Variants in DNAH5 observed in about 807,000 individuals in gnomAD.
The protein encoded by DNAH5 is axonemal beta dynein heavy chain 5.
In DNAH5, 372 loss-of-function variants were observed where a neutral mutation model predicts 518.2. The ratio of observed to expected loss-of-function variants is 0.72; its 90% CI spans 0.66 to 0.78. The LOEUF is 0.78. DNAH5 is among the 30% of genes least tolerant of loss of function. DNAH5 has a pLI of 0.00. For missense variants in DNAH5, 5,523 were observed against 5,687.0 expected (o/e 0.97, Z 0.93); for synonymous variants, 2,039 against 2,025.9 (o/e 1.01, Z -0.17).
In DNAH5 at chr5:13,728,511, T is replaced by C. The variant is rs892353775; in HGVS notation, c.11884-855A>G. 7.2e-5 allele frequency among the ~76,000 whole-genome samples: 11 copies of C among 152,292 alleles called. 1 individual carries two copies. In the East Asian group the frequency reaches 9.6e-4, roughly 13 times the overall value. On this transcript the variant is annotated intron_variant, in intron 69 of 78. Transcript: ENST00000265104. ...ATATTGAGGGGTTTCGTGCATAAGATATCATCTCCAGAAGGTAGCAACTTC... is the reference window on the plus strand; with the variant it reads ...ATATTGAGGGGTTTCGTGCATAAGACATCATCTCCAGAAGGTAGCAACTTC...
At chr5:13,694,546 G>A (rs1307046598) in intron 78 of DNAH5, among the ~76,000 whole-genome samples, 1 of 152,168 alleles carries the variant, frequency 6.6e-6, no homozygotes, top group Non-Finnish European at 1.5e-5. Flanking sequence ...AAGAGGTTGT[G>A]CAAATTGGCA....
At chr5:13,856,623 T>A (rs1767674055) in intron 30 of DNAH5, among the ~76,000 whole-genome samples, 2 of 152,140 alleles carry the variant, frequency 1.3e-5, no homozygotes, top group African/African-American at 4.8e-5. Flanking sequence ...TTCAATAAAA[T>A]ACAAGCAAAC....
intron 1 of DNAH5, among the ~76,000 whole-genome samples, chr5:13,975,052 C>T (rs1281746987): frequency 6.6e-6 from 1 of 152,128 alleles, no homozygotes; most frequent in South Asian, 2.1e-4. Flanking sequence ...ACTGTAGGGG[C>T]GTTGATGAAC....
In DNAH5 at chr5:13,729,335, G is replaced by A. The variant is rs1030208269; in HGVS notation, c.11883+104C>T. ...GCACATGTAATACCATTTTAAGAGT[G>A]ACAATATTAAGAACTATCTCTCTTC... On this transcript the variant is annotated intron_variant, in intron 69 of 78. Coordinates refer to ENST00000265104, the MANE Select transcript of DNAH5 (RefSeq NM_001369.3). 4 of 1,476,658 alleles carry A rather than the reference G, an allele frequency of 2.7e-6. 1 individual carries two copies. The highest frequency in any genetic ancestry group is 1.1e-5 in the South Asian group (1 of 87,120). 91.5% of individuals were successfully genotyped at this position (1,476,658 alleles called of 1,614,324 possible). A position where few individuals can be genotyped will look rare whatever the true frequency, so the allele number is the denominator to read the frequency against.
rs374113855 is a variant in DNAH5, at chr5:13,780,909, C to A, written c.8871G>T (p.Val2957=). 226 of 1,613,686 alleles carry A rather than the reference C, an allele frequency of 1.4e-4. No individual in the cohort carries two copies. Among genetic ancestry groups the A allele is most frequent in the Non-Finnish European group, 1.8e-4 (212 of 1,179,798 alleles). ...TCAGGCTCTGCTTTCCTGATCCGCCCACCCCGACCAGGAGGGCATTTCCCT... is the reference window on the plus strand; with the variant it reads ...TCAGGCTCTGCTTTCCTGATCCGCCAACCCCGACCAGGAGGGCATTTCCCT... ...TPQGNALLVG[V]GGSGKQSLTR... is the part of the protein sequence containing the mutation. Residue 2957 remains valine, a synonymous_variant, in exon 53 of 79, where the codon GTG becomes GTT. Transcript: ENST00000265104.
At chr5:13,967,631 T>TTA (rs765974990) in intron 1 of DNAH5, among the ~76,000 whole-genome samples, 4 of 151,876 alleles carry the variant, frequency 2.6e-5, no homozygotes, top group Non-Finnish European at 4.4e-5. Flanking sequence ...ATTTGTTTTT[T>TTA]TGTTTGTTTG....
chr5:13,870,829 C>A lies in DNAH5; in HGVS notation c.3772G>T (p.Ala1258Ser). 6.2e-7 allele frequency: 1 copy of A among 1,613,816 alleles called. No homozygotes were observed. The highest frequency in any genetic ancestry group is 8.5e-7 in the Non-Finnish European group (1 of 1,179,844). The change falls in exon 24 of 79, where the codon GCA becomes TCA. Residue 1258 changes from alanine (A) to serine (S), a missense_variant. Transcript: ENST00000265104. ...TCCTCCCTTATTTCTTTCAGCGCTGCCATTGCAATCCGAATATCATCTAGG... is the reference window on the plus strand; with the variant it reads ...TCCTCCCTTATTTCTTTCAGCGCTGACATTGCAATCCGAATATCATCTAGG... The part of the protein sequence containing the change: ...KDLDDIRIAM[A>S]ALKEIREEQI...
At chr5:13,963,952 A>T in intron 1 of DNAH5, among the ~76,000 whole-genome samples, 1 of 151,988 alleles carries the variant, frequency 6.6e-6, no homozygotes, top group Non-Finnish European at 1.5e-5. Context: ...ACAGGCATCC[A>T]CCCCTGCACA....
intron 66 of DNAH5, among the ~76,000 whole-genome samples, chr5:13,736,911 A>G (rs1747555092): frequency 2.0e-5 from 3 of 152,204 alleles, no homozygotes; most frequent in Admixed American, 2.0e-4. Flanking sequence ...TAGTGTTACC[A>G]AACGATAAAT....
Position 13,844,847 on chromosome 5 carries a change from A to G in DNAH5, c.5261T>C (p.Phe1754Ser). 6.2e-7 allele frequency: 1 copy of G among 1,614,210 alleles called. No individual in the cohort carries two copies. Among genetic ancestry groups the G allele is most frequent in the Non-Finnish European group, 8.5e-7 (1 of 1,180,026 alleles). ...TAGAATTAGGCGAACCTTTTCGTGG[A>G]ACTTGACAGATTTAATGTTGTCAAA... ...NVFDNIKSVK[F>S]HEKIYDRILS... is the part of the protein sequence containing the mutation. Residue 1754 changes from phenylalanine to serine, a missense_variant, in exon 32 of 79, where the codon TTC becomes TCC. By Grantham distance (155) the Phe-to-Ser change is radical (BLOSUM62 -2). Around this residue, in one of 3 missense-constraint regions of DNAH5, gnomAD observed 5,121 missense variants for 5,223.3 expected, o/e 0.98. Transcript: ENST00000265104.
rs760165157 is a variant in DNAH5, at chr5:13,769,594, C to G, written c.9627G>C (p.Lys3209Asn). The G allele has an allele frequency of 3.7e-6, 6 of 1,613,986 alleles. No individual in the cohort carries two copies. Among genetic ancestry groups the G allele is most frequent in the Admixed American group, 3.3e-5 (2 of 60,004 alleles). The change falls in exon 57 of 79, where the codon AAG becomes AAC. Residue 3209 changes from lysine to asparagine, a missense_variant. This residue lies in a region of DNAH5 where 5,121 missense variants were observed against 5,223.3 expected (regional missense o/e 0.98). Coordinates refer to ENST00000265104, the MANE Select transcript of DNAH5 (RefSeq NM_001369.3). ...LANRMNTGLE[K>N]LKEASESVAA... is the part of the protein sequence containing the mutation. The stretch of plus-strand genomic sequence containing the variant: ...CAACAGACTCTGAAGCTTCTTTGAG[C>G]TTTTCCAATCCAGTATTCATTCTGG...
chr5:13,834,715 T>C (rs6896894), intron 35 of DNAH5, among the ~76,000 whole-genome samples: 62,961 of 152,054 alleles, frequency 0.41, 13,472 homozygotes, highest in East Asian at 0.61. Flanking sequence ...AAGTGTATAA[T>C]GAGGGCAAGG....
chr5:13,777,234 C>G lies in DNAH5; in HGVS notation c.9073G>C (p.Glu3025Gln). Residue 3025 changes from glutamate to glutamine, a missense_variant, in exon 54 of 79, where the codon GAA (glutamate) becomes CAA (glutamine). Coordinates refer to ENST00000265104, the MANE Select transcript of DNAH5 (RefSeq NM_001369.3). ...GATGATAAAACATTGTTCATATATT[C>G]CAAAAATGACTCATCTTTAATCTCA... ...DNEIKDESFL[E>Q]YMNNVLSSGE... 1 of 1,612,838 alleles carries G rather than the reference C, an allele frequency of 6.2e-7. No homozygotes were observed. Among genetic ancestry groups the G allele is most frequent in the Non-Finnish European group, 8.5e-7 (1 of 1,179,288 alleles).
chr5:13,975,267 G>A (rs1354480232), intron 1 of DNAH5, among the ~76,000 whole-genome samples: 1 of 152,160 alleles, frequency 6.6e-6, no homozygotes, highest in African/African-American at 2.4e-5. Context: ...TTCCTAATGT[G>A]AGATTTATTC....
At chr5:13,701,017 A>G in intron 77 of DNAH5, 146 bp from the exon 78 acceptor site, 1 of 972,158 alleles carries the variant, frequency 1.0e-6, no homozygotes, top group Non-Finnish European at 1.6e-6. Context: ...TTCCCTCATT[A>G]AAAAAACCAC....
At chr5:13,908,957 G>A (rs1050423851) in intron 12 of DNAH5, among the ~76,000 whole-genome samples, 17 of 152,296 alleles carry the variant, frequency 1.1e-4, no homozygotes, top group African/African-American at 4.1e-4. Context: ...GAATTCATGA[G>A]TGGGTGAGTA....
Position 13,883,060 on chromosome 5 carries a change from ACTGTT to A in DNAH5, c.3013_3017del (p.Asn1005PhefsTer40). Reference sequence around the variant, plus strand: ...TGACGCTTGCCCGGAAAATGGGCAAACTGTTCTGCTTCATGTTAGAGGCACTGTTA... The same window carrying A: ...TGACGCTTGCCCGGAAAATGGGCAAACTGCTTCATGTTAGAGGCACTGTTA... On this transcript the variant is annotated frameshift_variant, in exon 20 of 79. Coordinates refer to ENST00000265104, the MANE Select transcript of DNAH5 (RefSeq NM_001369.3). LOFTEE classifies it high-confidence loss of function. 1 of 1,614,132 alleles carries A rather than the reference ACTGTT, an allele frequency of 6.2e-7. No individual in the cohort carries two copies. Among genetic ancestry groups the A allele is most frequent in the Non-Finnish European group, 8.5e-7 (1 of 1,180,022 alleles).
intron 1 of DNAH5, among the ~76,000 whole-genome samples, chr5:13,994,654 G>C (rs996374684): frequency 1.3e-5 from 2 of 152,152 alleles, no homozygotes; most frequent in Non-Finnish European, 2.9e-5. Flanking sequence ...AGGTCAAATA[G>C]TCTCTTCTGC....
intron 50 of DNAH5, among the ~76,000 whole-genome samples, chr5:13,791,420 A>C (rs1161664061): frequency 6.6e-6 from 1 of 152,152 alleles, no homozygotes; most frequent in Non-Finnish European, 1.5e-5. Context: ...TGTCATATTC[A>C]AGTGTGTGTA....
Sources: gnomAD v4.1 joint callset for allele counts (sites outside exome capture counted in the v4.1 genomes callset) on GRCh38, gnomAD v4.1.1 for gene constraint, gnomAD v4.1.1 regional missense constraint, MANE v1.5 for transcripts, NCBI Gene and HGNC (gene_info 2026-07-23, HGNC 2026-07-21) for gene names.